The following ZNF385D variants were observed in gnomAD, a reference collection of about 807,000 sequenced individuals.
The protein encoded by ZNF385D is zinc finger protein 659.
ZNF385D carries 15 observed loss-of-function variants against 35.8 expected under a neutral mutation model. The ratio of observed to expected loss-of-function variants is 0.42; its 90% CI spans 0.28 to 0.64. The LOEUF (loss-of-function observed/expected upper bound fraction) is 0.64. Ranked by LOEUF, ZNF385D falls within the 30% of genes least tolerant of loss-of-function variation. The pLI, the probability that ZNF385D is intolerant of heterozygous loss-of-function variation, is 0.23. For synonymous variants in ZNF385D, 212 were observed against 186.8 expected (o/e 1.13, Z -1.10); for missense variants, 474 against 494.6 (o/e 0.96, Z 0.39).
At chr3:21,986,626 G>GA (rs928104760) in intron 3 of ZNF385D, among the ~76,000 whole-genome samples, 3 of 148,414 alleles carry the variant, frequency 2.0e-5, no homozygotes, top group Admixed American at 2.0e-4. Context: ...GTGTGGTGCT[G>GA]AAAAAAATGT....
intron 3 of ZNF385D, among the ~76,000 whole-genome samples, chr3:22,132,879 A>G (rs1359309089): frequency 6.6e-6 from 1 of 152,142 alleles, no homozygotes; most frequent in Non-Finnish European, 1.5e-5. Context: ...TTTAAGGAAG[A>G]GATTAACCCA....
intron 3 of ZNF385D, among the ~76,000 whole-genome samples, chr3:21,544,279 C>A (rs2062293729): frequency 6.6e-6 from 1 of 152,210 alleles, no homozygotes; most frequent in Non-Finnish European, 1.5e-5. Context: ...TGGAACTAAC[C>A]ACAGACTTGA....
chr3:22,269,612 C>T (rs560970294), intron 2 of ZNF385D, among the ~76,000 whole-genome samples: 1 of 151,814 alleles, frequency 6.6e-6, no homozygotes, highest in African/African-American at 2.4e-5. Flanking sequence ...AGAAAATGCA[C>T]AGATTGAAGA....
chr3:22,157,768 T>C (rs1237538175), intron 3 of ZNF385D, among the ~76,000 whole-genome samples: 1 of 152,150 alleles, frequency 6.6e-6, no homozygotes, highest in Non-Finnish European at 1.5e-5. Context: ...TTCATTCCTC[T>C]CAGGGTTGGA....
intron 2 of ZNF385D, among the ~76,000 whole-genome samples, chr3:22,195,227 T>C (rs758884467): frequency 6.6e-6 from 1 of 151,958 alleles, no homozygotes; most frequent in Non-Finnish European, 1.5e-5. Flanking sequence ...TGACTAATGA[T>C]ATTGAACACT....
chr3:21,723,826 G>C (rs2068642464), intron 1 of ZNF385D, among the ~76,000 whole-genome samples: 1 of 152,048 alleles, frequency 6.6e-6, no homozygotes, highest in South Asian at 2.1e-4. Flanking sequence ...CTTGAGAAGA[G>C]CAACCCCAAG....
chr3:21,592,172 G>T (rs1003718143), intron 2 of ZNF385D, among the ~76,000 whole-genome samples: 1 of 152,048 alleles, frequency 6.6e-6, no homozygotes, highest in Non-Finnish European at 1.5e-5. Context: ...ATGATTTATG[G>T]TTATTAGTTG....
intron 3 of ZNF385D, among the ~76,000 whole-genome samples, chr3:21,947,516 A>T (rs1412724370): frequency 1.3e-5 from 2 of 152,018 alleles, no homozygotes; most frequent in East Asian, 3.9e-4. Context: ...ATGCCTGGCT[A>T]ATTTTTTGTA....
chr3:21,501,676 T>A (rs563318803), intron 4 of ZNF385D, among the ~76,000 whole-genome samples: 1 of 152,230 alleles, frequency 6.6e-6, no homozygotes, highest in South Asian at 2.1e-4. Flanking sequence ...TTTGTAATAT[T>A]TAAGATTTCT....
intron 2 of ZNF385D, among the ~76,000 whole-genome samples, chr3:22,195,452 T>C (rs564445063): frequency 2.0e-5 from 3 of 152,102 alleles, no homozygotes; most frequent in African/African-American, 7.2e-5. Context: ...ATTAATTCTT[T>C]TCTTTAATAT....
chr3:21,614,441 G>A (rs1037863535), intron 2 of ZNF385D, among the ~76,000 whole-genome samples: 2 of 152,176 alleles, frequency 1.3e-5, no homozygotes, highest in Non-Finnish European at 2.9e-5. Flanking sequence ...TCAACATAGA[G>A]ATTTTGGAAG....
intron 4 of ZNF385D, among the ~76,000 whole-genome samples, chr3:21,455,865 T>C (rs901570935): frequency 2.0e-5 from 3 of 151,806 alleles, no homozygotes; most frequent in African/African-American, 7.3e-5. Flanking sequence ...ATATCCAGAA[T>C]CTACAATGAA....
At chr3:21,803,172 A>G (rs1240408686) in intron 3 of ZNF385D, among the ~76,000 whole-genome samples, 1 of 152,126 alleles carries the variant, frequency 6.6e-6, no homozygotes, top group Non-Finnish European at 1.5e-5. Flanking sequence ...CTGTCAGTAA[A>G]GCAGCTCCAG....
At position 22,246,593 on chromosome 3, in the gene ZNF385D, A is replaced by G. The variant is rs77592011; in HGVS notation, c.107-77558T>C. Among the ~76,000 whole-genome samples the G allele has an allele frequency of 6.1e-3, 926 of 152,324 alleles. 7 individuals carry two copies. Among genetic ancestry groups the G allele is most frequent in the African/African-American group, 0.021 (876 of 41,584 alleles). ...AAACTAACTGAAATGTTAACTTTAT[A>G]AAATTTGATGTTAGTATCTCAATGG... On this transcript the variant is annotated intron_variant, in intron 2 of 5. Transcript: ENST00000494108.
chr3:21,448,875 T>C (rs1031255271), intron 4 of ZNF385D, among the ~76,000 whole-genome samples: 26 of 152,122 alleles, frequency 1.7e-4, no homozygotes, highest in African/African-American at 6.3e-4. Flanking sequence ...GCACCAAAAT[T>C]TGCCAAACTA....
At chr3:21,568,443 C>T (rs1417969131) in intron 2 of ZNF385D, among the ~76,000 whole-genome samples, 1 of 152,110 alleles carries the variant, frequency 6.6e-6, no homozygotes, top group Non-Finnish European at 1.5e-5. Context: ...TTGTTTTTCT[C>T]TCCAGGAACC....
At chr3:21,542,535 GAT>G (rs1207989657) in intron 3 of ZNF385D, among the ~76,000 whole-genome samples, 4 of 152,028 alleles carry the variant, frequency 2.6e-5, no homozygotes, top group Non-Finnish European at 5.9e-5. Context: ...TTTTTGGAGA[GAT>G]AGTCTTGCTG....
At chr3:22,153,953 G>A (rs540525245) in intron 3 of ZNF385D, among the ~76,000 whole-genome samples, 1 of 152,188 alleles carries the variant, frequency 6.6e-6, no homozygotes, top group African/African-American at 2.4e-5. Context: ...CTCTCCCTCT[G>A]TTAGTTCACA....
At chr3:21,895,065 GTAAAATAA>G (rs1174721163) in intron 3 of ZNF385D, among the ~76,000 whole-genome samples, 33 of 152,150 alleles carry the variant, frequency 2.2e-4, no homozygotes, top group African/African-American at 7.9e-4. Flanking sequence ...GCAACAGATG[GTAAAATAA>G]GAATCTGTGG....
Sources: gnomAD v4.1 joint callset for allele counts (sites outside exome capture counted in the v4.1 genomes callset) on GRCh38, gnomAD v4.1.1 for gene constraint, MANE v1.5 for transcripts, NCBI Gene and HGNC (gene_info 2026-07-23, HGNC 2026-07-21) for gene names.